Variants in GRM8 observed in about 807,000 individuals in gnomAD.
The protein encoded by GRM8 is metabotropic glutamate receptor 8.
A neutral mutation model predicts 87.2 loss-of-function variants in GRM8; 47 were observed. The observed-to-expected ratio is 0.54, with a 90% CI of 0.43 to 0.69. GRM8 has a LOEUF of 0.69. Among genes scored for constraint, GRM8 ranks in the 30% least tolerant of loss-of-function variants. The pLI is 0.00. For missense variants in GRM8, 1,019 were observed against 1,139.2 expected (o/e 0.89, Z 1.52); for synonymous variants, 396 against 404.5 (o/e 0.98, Z 0.25).
At chr7:127,152,122 A>G (rs17864142) in intron 2 of GRM8, among the ~76,000 whole-genome samples, 12,190 of 152,188 alleles carry the variant, frequency 0.08, 717 homozygotes, top group African/African-American at 0.17. Flanking sequence ...CAGGGAAGAC[A>G]GCAAGACAGA....
intron 7 of GRM8, among the ~76,000 whole-genome samples, chr7:126,718,381 A>C (rs956559492): frequency 1.4e-4 from 21 of 152,274 alleles, no homozygotes; most frequent in Admixed American, 1.4e-3. Context: ...TTTTAGGCTC[A>C]AGCTCTAGGG....
At chr7:127,237,811 G>A (rs920182249) in intron 2 of GRM8, among the ~76,000 whole-genome samples, 1 of 152,172 alleles carries the variant, frequency 6.6e-6, no homozygotes, top group Non-Finnish European at 1.5e-5. Flanking sequence ...TTACAACCCA[G>A]TGCATCTTTG....
At chr7:126,572,049 G>C (rs1417179657) in intron 8 of GRM8, among the ~76,000 whole-genome samples, 1 of 152,050 alleles carries the variant, frequency 6.6e-6, no homozygotes, top group African/African-American at 2.4e-5. Context: ...CCCCAGGAAT[G>C]TCTTAAACCA....
chr7:126,475,746 C>CT (rs1805822737), intron 9 of GRM8, among the ~76,000 whole-genome samples: 1 of 152,062 alleles, frequency 6.6e-6, no homozygotes, highest in African/African-American at 2.4e-5. Flanking sequence ...ATCAAAACAG[C>CT]ATGGTGCAAA....
intron 9 of GRM8, among the ~76,000 whole-genome samples, chr7:126,473,724 T>C (rs1805573360): frequency 1.3e-5 from 2 of 152,288 alleles, no homozygotes; most frequent in Admixed American, 6.5e-5. Flanking sequence ...TCTTGAATTA[T>C]AGCTCCCACA....
rs1342186180 is a variant in GRM8 at position 126,876,756 on chromosome 7, CAG to C, written c.1156+25784_1156+25785del. ...AATGTGGCCTAAAAATGTCATGACT[CAG>C]AGTACTTATTCGTAGAATTGCTTCA... On this transcript the variant is annotated intron_variant, in intron 6 of 10. Coordinates refer to ENST00000339582, the MANE Select transcript of GRM8 (RefSeq NM_000845.3). Among the ~76,000 whole-genome samples the C allele has an allele frequency of 2.0e-5, 3 of 152,250 alleles. No homozygotes were observed. In the East Asian group the frequency reaches 5.8e-4, roughly 29 times the overall value.
At chr7:127,222,286 T>C (rs535404954) in intron 2 of GRM8, among the ~76,000 whole-genome samples, 1 of 152,306 alleles carries the variant, frequency 6.6e-6, no homozygotes, top group Non-Finnish European at 1.5e-5. Context: ...CACATACCTA[T>C]GGCCCCAACT....
chr7:127,124,752 A>G (rs1827269335), intron 2 of GRM8, among the ~76,000 whole-genome samples: 1 of 152,176 alleles, frequency 6.6e-6, no homozygotes, highest in Admixed American at 6.6e-5. Flanking sequence ...GCTTCTGGCC[A>G]AAACGAAATA....
chr7:126,689,517 T>A (rs751330434), intron 7 of GRM8, among the ~76,000 whole-genome samples: 33 of 152,194 alleles, frequency 2.2e-4, no homozygotes, highest in Non-Finnish European at 5.9e-5. Context: ...AACTGAATGA[T>A]AATGTTATGG....
At chr7:126,540,164 C>T (rs1816366369) in intron 8 of GRM8, among the ~76,000 whole-genome samples, 1 of 151,950 alleles carries the variant, frequency 6.6e-6, no homozygotes, top group Non-Finnish European at 1.5e-5. Flanking sequence ...AGACATGTCC[C>T]AAAGAAGATA....
chr7:126,550,795 A>G (rs1054993216), intron 8 of GRM8, among the ~76,000 whole-genome samples: 17 of 151,876 alleles, frequency 1.1e-4, no homozygotes, highest in African/African-American at 3.9e-4. Context: ...TATAAGAAGT[A>G]GAGGGAATAA....
chr7:126,837,201 T>G (rs1320471265), intron 6 of GRM8, among the ~76,000 whole-genome samples: 3 of 152,184 alleles, frequency 2.0e-5, no homozygotes, highest in African/African-American at 7.2e-5. Context: ...TAAGGAATAT[T>G]ATAGACAATG....
rs1362693903 is a variant in GRM8 at position 126,477,575 on chromosome 7, GAAAGAGAGAAAGAAAGAAAGAAAGAA to G, written c.2431-31229_2431-31204del. On this transcript the variant is annotated intron_variant, in intron 9 of 10. Transcript: ENST00000339582. ...AGGAGAAGTAAGAGAAAGAAAGAAA[GAAAGAGAGAAAGAAAGAAAGAAAGAA>G]AGAAAGAAAGAAAGAAAGAAAGAAA... Among the ~76,000 whole-genome samples, 12 of 89,534 alleles carry G rather than the reference GAAAGAGAGAAAGAAAGAAAGAAAGAA, an allele frequency of 1.3e-4. No homozygotes were observed. The East Asian group carries it at 2.7e-3, about 20-fold the overall frequency. The allele number at this position is 89,534 out of a possible 152,430, so 58.7% of individuals were successfully genotyped here. A position where few individuals can be genotyped will look rare whatever the true frequency, so the allele number is the denominator to read the frequency against.
At chr7:126,549,026 A>G (rs1464006955) in intron 8 of GRM8, among the ~76,000 whole-genome samples, 1 of 152,230 alleles carries the variant, frequency 6.6e-6, no homozygotes. Context: ...AAATCCACAT[A>G]GAAAACAATG....
At chr7:126,700,256 A>G (rs1054370370) in intron 7 of GRM8, among the ~76,000 whole-genome samples, 4 of 152,178 alleles carry the variant, frequency 2.6e-5, no homozygotes, top group African/African-American at 7.2e-5. Context: ...TCTTTCAGAT[A>G]CTGGTATCTG....
At chr7:127,245,308 G>GAATTGT in intron 1 of GRM8, among the ~76,000 whole-genome samples, 1 of 152,310 alleles carries the variant, frequency 6.6e-6, no homozygotes, top group African/African-American at 2.4e-5. Flanking sequence ...ACGTGGCTGA[G>GAATTGT]CCGACCCTTG....
chr7:126,836,205 T>TA (rs916676954), intron 6 of GRM8, among the ~76,000 whole-genome samples: 1 of 152,004 alleles, frequency 6.6e-6, no homozygotes, highest in South Asian at 2.1e-4. Flanking sequence ...TCTCGAAGGT[T>TA]AAAAAAAATT....
intron 2 of GRM8, among the ~76,000 whole-genome samples, chr7:127,157,228 A>G (rs1367515980): frequency 2.1e-5 from 3 of 143,664 alleles, no homozygotes. Flanking sequence ...AAAGAAAAAG[A>G]AAGAAAAGAG....
chr7:127,058,911 C>CA, intron 3 of GRM8, among the ~76,000 whole-genome samples: 1 of 152,224 alleles, frequency 6.6e-6, no homozygotes, highest in Non-Finnish European at 1.5e-5. Context: ...TGCAGACTGT[C>CA]AGTGTGTGAC....
Sources: allele counts gnomAD v4.1 joint callset (sites outside exome capture counted in the v4.1 genomes callset), GRCh38; gene constraint gnomAD v4.1.1; transcripts MANE v1.5; gene names NCBI Gene and HGNC (gene_info 2026-07-23, HGNC 2026-07-21).